Variants in PCED1B observed in about 807,000 individuals in gnomAD.
PCED1B encodes PC-esterase domain containing 1B.
For missense variants in PCED1B, 573 were observed against 573.9 expected, an observed-to-expected ratio of 1.00 and a Z score of 0.02; for synonymous variants, 251 against 246.1, an observed-to-expected ratio of 1.02 and a Z score of -0.19.
chr12:47,203,299 T>A (rs1337495411), intron 2 of PCED1B, among the ~76,000 whole-genome samples: 2 of 152,114 alleles, frequency 1.3e-5, no homozygotes, highest in African/African-American at 2.4e-5. Context: ...TTTTTTAAAA[T>A]TTTTTATTTC....
rs903235953 is a variant in PCED1B, at chr12:47,202,868, A to C, written c.-525-13354A>C. ...TGGTCTCCAGTTTGCCAGAATCCTC[A>C]CTAATCCCAATTGTTCCCAATACTG... On this transcript the variant is annotated intron_variant, in intron 2 of 3. Coordinates refer to ENST00000546455, the MANE Select transcript of PCED1B (RefSeq NM_138371.3). 2.0e-5 allele frequency among the ~76,000 whole-genome samples: 3 copies of C among 152,002 alleles called. No homozygotes were observed. In the East Asian group the frequency reaches 5.8e-4, roughly 29 times the overall value.
intron 2 of PCED1B, among the ~76,000 whole-genome samples, chr12:47,214,738 C>T (rs961621454): frequency 1.1e-4 from 16 of 152,134 alleles, no homozygotes; most frequent in African/African-American, 3.6e-4. Context: ...GAGAGCAGGA[C>T]TCTTCCTGAT....
chr12:47,193,739 T>C (rs921480807), intron 2 of PCED1B, among the ~76,000 whole-genome samples: 14 of 152,216 alleles, frequency 9.2e-5, no homozygotes, highest in Non-Finnish European at 1.9e-4. Context: ...ATTGCTCCAG[T>C]CCTATAAATC....
At chr12:47,131,463 C>T (rs1424122310) in intron 2 of PCED1B, among the ~76,000 whole-genome samples, 1 of 152,180 alleles carries the variant, frequency 6.6e-6, no homozygotes, top group Non-Finnish European at 1.5e-5. Context: ...CCTCATCTGG[C>T]AGAGCATCCA....
In PCED1B at chr12:47,235,514, G is replaced by A; in HGVS notation, c.451G>A (p.Gly151Ser). 1 of 1,612,350 alleles carries A rather than the reference G, an allele frequency of 6.2e-7. No homozygotes were observed. Among genetic ancestry groups the A allele is most frequent in the Non-Finnish European group, 8.5e-7 (1 of 1,178,854 alleles). The change falls in exon 4 of 4, where the codon GGC becomes AGC. Residue 151 changes from glycine to serine, a missense_variant. By Grantham distance (56) the Gly-to-Ser change is moderately conservative. Coordinates refer to ENST00000546455, the MANE Select transcript of PCED1B (RefSeq NM_138371.3). ...ENLENLFQCL[G>S]QVLPESCLLV... ...CCTGGAGAACCTGTTCCAGTGCCTG[G>A]GCCAGGTGCTGCCCGAGTCTTGCCT...
chr12:47,233,289 C>G (rs762129320), intron 3 of PCED1B, among the ~76,000 whole-genome samples: 8 of 152,116 alleles, frequency 5.3e-5, no homozygotes, highest in Non-Finnish European at 8.8e-5. Flanking sequence ...GTTCAGGTGT[C>G]CGCCACCACG....
chr12:47,142,514 A>G (rs962949304), intron 2 of PCED1B, among the ~76,000 whole-genome samples: 2 of 152,234 alleles, frequency 1.3e-5, no homozygotes, highest in African/African-American at 4.8e-5. Context: ...AAATTATTCA[A>G]AATTATTATC....
intron 2 of PCED1B, among the ~76,000 whole-genome samples, chr12:47,167,372 A>G (rs1941578026): frequency 6.6e-6 from 1 of 152,108 alleles, no homozygotes; most frequent in Admixed American, 6.5e-5. Flanking sequence ...CCAACTAGGA[A>G]AATGAAGTGG....
At chr12:47,216,926 A>G (rs975493823) in intron 3 of PCED1B, among the ~76,000 whole-genome samples, 1 of 152,146 alleles carries the variant, frequency 6.6e-6, no homozygotes, top group Non-Finnish European at 1.5e-5. Context: ...AAAACAGCCA[A>G]TTTAGTTGTG....
intron 2 of PCED1B, among the ~76,000 whole-genome samples, chr12:47,112,703 G>C (rs1055334714): frequency 5.3e-5 from 8 of 152,088 alleles, no homozygotes; most frequent in Non-Finnish European, 1.2e-4. Context: ...ACTCTGTAAG[G>C]TCACATTATT....
intron 3 of PCED1B, among the ~76,000 whole-genome samples, chr12:47,217,078 C>A (rs993196860): frequency 3.3e-5 from 5 of 152,038 alleles, no homozygotes; most frequent in Non-Finnish European, 5.9e-5. Flanking sequence ...ATCTTTTAGC[C>A]TTAATTTTTA....
chr12:47,097,804 C>G (rs576595741), intron 1 of PCED1B, among the ~76,000 whole-genome samples: 1 of 152,282 alleles, frequency 6.6e-6, no homozygotes, highest in East Asian at 1.9e-4. Flanking sequence ...GTACCTTAGT[C>G]CCCAGCACTG....
intron 2 of PCED1B, among the ~76,000 whole-genome samples, chr12:47,158,548 A>T (rs1941269400): frequency 6.6e-6 from 1 of 152,186 alleles, no homozygotes; most frequent in Non-Finnish European, 1.5e-5. Flanking sequence ...TATTTCAGAT[A>T]TCAATCCCTT....
rs1474243855 is a variant in PCED1B at position 47,235,011 on chromosome 12, C to T, written c.-53C>T. On this transcript the variant is annotated 5_prime_UTR_variant, in exon 4 of 4. Coordinates refer to ENST00000546455, the MANE Select transcript of PCED1B (RefSeq NM_138371.3). ...CCTTCTCTCCTTCTGTCCTAGCCAT[C>T]CGCAGAGCCATCCTGTGCAAAGGAA... The T allele has an allele frequency of 1.4e-6, 2 of 1,471,452 alleles. No individual in the cohort carries two copies. Among genetic ancestry groups the T allele is most frequent in the African/African-American group, 2.8e-5 (2 of 70,902 alleles). 91.1% of individuals were successfully genotyped at this position (1,471,452 alleles called of 1,614,324 possible).
chr12:47,222,345 CTGGGAGG>C (rs1943507181), intron 3 of PCED1B, among the ~76,000 whole-genome samples: 1 of 145,084 alleles, frequency 6.9e-6, no homozygotes, highest in Non-Finnish European at 1.5e-5. Flanking sequence ...TCGCTTGAAC[CTGGGAGG>C]CAGATGTTGC....
chr12:47,082,314 TTAAGA>T (rs1173635045), intron 1 of PCED1B, among the ~76,000 whole-genome samples: 4 of 152,186 alleles, frequency 2.6e-5, no homozygotes, highest in African/African-American at 9.7e-5. Context: ...TTCAAAGTGG[TTAAGA>T]TAACGGTTTA....
Position 47,197,523 on chromosome 12 carries a change from G to A in PCED1B, c.-525-18699G>A, listed in dbSNP as rs146556728. Among the ~76,000 whole-genome samples, 560 of 151,450 alleles carry A rather than the reference G, an allele frequency of 3.7e-3. 1 individual carries two copies. The highest frequency in any genetic ancestry group is 0.013 in the African/African-American group (518 of 41,322). On this transcript the variant is annotated intron_variant, in intron 2 of 3. Transcript: ENST00000546455. ...CTCGGGAGGCTGAGGCAGGAGAATC[G>A]CTTAAACCCAAAAGGCGGAGGTTGT...
At chr12:47,129,599 A>AT (rs1565765875) in intron 2 of PCED1B, among the ~76,000 whole-genome samples, 22 of 152,108 alleles carry the variant, frequency 1.4e-4, no homozygotes, top group Admixed American at 7.2e-4. Flanking sequence ...TTAAAAAAAA[A>AT]ATTTTTTTAA....
intron 2 of PCED1B, among the ~76,000 whole-genome samples, chr12:47,174,363 T>C (rs1201317145): frequency 2.0e-5 from 3 of 150,860 alleles, no homozygotes; most frequent in Admixed American, 6.6e-5. Flanking sequence ...TAGCGGAGAT[T>C]GCGCTACCGC....
Sources: allele counts gnomAD v4.1 joint callset (sites outside exome capture counted in the v4.1 genomes callset), GRCh38; gene constraint gnomAD v4.1.1; transcripts MANE v1.5; gene names NCBI Gene and HGNC (gene_info 2026-07-23, HGNC 2026-07-21).